The following CDH17 variants were observed in gnomAD, a reference collection of about 807,000 sequenced individuals.
The protein encoded by CDH17 is cadherin 17.
A neutral mutation model predicts 86.3 loss-of-function variants in CDH17; 67 were observed. That is an observed-to-expected ratio of 0.78 (90% CI 0.64 to 0.95). CDH17 has a LOEUF of 0.95. Among genes scored for constraint, CDH17 ranks in the 40% least tolerant of loss-of-function variants. The probability of loss-of-function intolerance (pLI) is 0.00; values close to 1 mark genes in which losing one functional copy is unlikely to be tolerated. For missense variants in CDH17, 993 were observed against 1,017.6 expected (o/e 0.98, Z 0.33); for synonymous variants, 367 against 366.4 (o/e 1.00, Z -0.02).
chr8:94,137,413 A>G (rs1290670739), intron 15 of CDH17, among the ~76,000 whole-genome samples: 1 of 152,188 alleles, frequency 6.6e-6, no homozygotes, highest in Non-Finnish European at 1.5e-5. Context: ...GCTAACAGTG[A>G]ACAAGGCTCT....
At chr8:94,143,314 G>A (rs1812673581) in intron 15 of CDH17, among the ~76,000 whole-genome samples, 2 of 152,154 alleles carry the variant, frequency 1.3e-5, no homozygotes, top group South Asian at 2.1e-4. Flanking sequence ...TCTCAACAGT[G>A]GCCTTAAAGT....
intron 15 of CDH17, among the ~76,000 whole-genome samples, chr8:94,131,676 C>A (rs573724314): frequency 2.0e-5 from 3 of 151,968 alleles, no homozygotes; most frequent in Non-Finnish European, 4.4e-5. Flanking sequence ...TTAGGTTTGA[C>A]CCTGTGTGGT....
At chr8:94,187,484 G>C (rs1318959868) in intron 3 of CDH17, among the ~76,000 whole-genome samples, 1 of 152,214 alleles carries the variant, frequency 6.6e-6, no homozygotes, top group Non-Finnish European at 1.5e-5. Flanking sequence ...AAGAAAGTCT[G>C]TGAGAAAAAG....
intron 14 of CDH17, 70 bp downstream of exon 14, chr8:94,148,674 C>G (rs1812794431): frequency 7.6e-7 from 1 of 1,321,810 alleles, no homozygotes; most frequent in Non-Finnish European, 1.0e-6. Context: ...ATCCTCCCTC[C>G]CATTTCAACC....
At chr8:94,141,181 C>G (rs140696446) in intron 15 of CDH17, among the ~76,000 whole-genome samples, 101 of 151,242 alleles carry the variant, frequency 6.7e-4, no homozygotes, top group African/African-American at 2.4e-3. Context: ...AATAATGCAT[C>G]AATTAATAGG....
rs1346240462 is a variant in CDH17, at chr8:94,170,318, G to T, written c.1066+79C>A. The T allele has an allele frequency of 4.1e-6, 6 of 1,455,064 alleles. No homozygotes were observed. The East Asian group carries it at 6.9e-5, about 17-fold the overall frequency. The allele number at this position is 1,455,064 out of a possible 1,614,324, so 90.1% of individuals were successfully genotyped here. A position where few individuals can be genotyped will look rare whatever the true frequency, so the allele number is the denominator to read the frequency against. The stretch of plus-strand genomic sequence containing the variant: ...ACATGGATTACTGACTCCCAGTAAG[G>T]TCTCCTGCTCACCTTTTACCCAGCA... On this transcript the variant is annotated intron_variant, in intron 9 of 17. Coordinates refer to ENST00000027335, the MANE Select transcript of CDH17 (RefSeq NM_004063.4).
intron 2 of CDH17, among the ~76,000 whole-genome samples, chr8:94,192,952 G>T (rs1231263625): frequency 6.6e-6 from 1 of 152,206 alleles, no homozygotes; most frequent in Non-Finnish European, 1.5e-5. Flanking sequence ...CAGAAGGCAA[G>T]ATTCTTCAAG....
chr8:94,198,938 C>T, intron 1 of CDH17, among the ~76,000 whole-genome samples: 1 of 151,516 alleles, frequency 6.6e-6, no homozygotes, highest in Non-Finnish European at 1.5e-5. Context: ...ATAAGGGGTA[C>T]AGGTTCTATC....
At chr8:94,174,474 A>G (rs57594285) in intron 5 of CDH17, among the ~76,000 whole-genome samples, 2,057 of 152,260 alleles carry the variant, frequency 0.014, 39 homozygotes, top group African/African-American at 0.039. Flanking sequence ...GGGTCCCTGA[A>G]ACTGTTCAAG....
chr8:94,216,602 T>G (rs529089600), intron 1 of CDH17, among the ~76,000 whole-genome samples: 18 of 151,160 alleles, frequency 1.2e-4, no homozygotes, highest in Non-Finnish European at 2.5e-4. Flanking sequence ...TTCCCAAGTC[T>G]GCTCTCCTAA....
chr8:94,211,518 G>A (rs62523278), upstream of CDH17, among the ~76,000 whole-genome samples: 48,529 of 151,986 alleles, frequency 0.32, 9,756 homozygotes, highest in Non-Finnish European at 0.46. Flanking sequence ...TAACCATGTT[G>A]GCCAGTCTGG....
chr8:94,155,398 T>C (rs958706897), intron 12 of CDH17, among the ~76,000 whole-genome samples: 9 of 151,878 alleles, frequency 5.9e-5, no homozygotes, highest in African/African-American at 1.9e-4. Flanking sequence ...GAGCCTGTGA[T>C]GGGGACAAAG....
At chr8:94,132,952 G>A (rs527328919) in intron 15 of CDH17, among the ~76,000 whole-genome samples, 47 of 152,100 alleles carry the variant, frequency 3.1e-4, no homozygotes, top group African/African-American at 9.6e-4. Context: ...GTTTTTCTCC[G>A]GTTTGTCAAA....
intron 12 of CDH17, among the ~76,000 whole-genome samples, chr8:94,157,857 A>T (rs568694425): frequency 6.6e-6 from 1 of 152,314 alleles, no homozygotes; most frequent in South Asian, 2.1e-4. Context: ...TTGAGGCTGC[A>T]ATGAGCTATG....
intron 9 of CDH17, among the ~76,000 whole-genome samples, chr8:94,166,238 G>A (rs1416291946): frequency 1.3e-5 from 2 of 152,210 alleles, no homozygotes; most frequent in African/African-American, 4.8e-5. Flanking sequence ...CCAGAAGTCT[G>A]CAATCAAGGT....
intron 8 of CDH17, 31 bp downstream of exon 8, chr8:94,170,823 G>A (rs1374515862): frequency 6.2e-7 from 1 of 1,606,700 alleles, no homozygotes; most frequent in Admixed American, 1.7e-5. Context: ...ACTTTGTCTT[G>A]TCGCCTGTGA....
rs548155307 is a variant in CDH17, at chr8:94,194,670, G to A, written c.16C>T (p.His6Tyr). ...ATAAGAAGACACAGGGAGTGAAGAT[G>A]GGCCTGAAGTATCATAGTTTTCTTT... is the stretch of plus-strand genomic sequence containing the variant. MILQA[H>Y]LHSLCLLMLY... Residue 6 changes from histidine (H) to tyrosine (Y), a missense_variant, in exon 2 of 18, where the codon CAT (histidine) becomes TAT (tyrosine). Transcript: ENST00000027335. 6 of 1,606,366 alleles carry A rather than the reference G, an allele frequency of 3.7e-6. No homozygotes were observed. In the African/African-American group the frequency reaches 8.0e-5, roughly 22 times the overall value.
Position 94,145,997 on chromosome 8 carries a change from C to T in CDH17, c.2098G>A (p.Gly700Ser). 6.2e-7 allele frequency: 1 copy of T among 1,613,602 alleles called. No individual in the cohort carries two copies. Among genetic ancestry groups the T allele is most frequent in the Non-Finnish European group, 8.5e-7 (1 of 1,179,822 alleles). Residue 700 changes from glycine to serine, a missense_variant, in exon 15 of 18, where the codon GGT becomes AGT. Physicochemically the swap from Gly to Ser is moderately conservative, Grantham distance 56. Transcript: ENST00000027335. ...ATDDDQHLFR[G>S]PHFTFSLGSG... The stretch of plus-strand genomic sequence containing the variant: ...CCGAGGGAAAATGTAAAATGGGGAC[C>T]CCGAAATAAGTGCTGATCATCATCA...
intron 15 of CDH17, among the ~76,000 whole-genome samples, chr8:94,140,869 G>A (rs73266225): frequency 1.6e-4 from 24 of 152,194 alleles, no homozygotes; most frequent in African/African-American, 5.8e-4. Context: ...AATTGAATTT[G>A]TAGTTAAAAC....
Sources: gnomAD v4.1 joint callset for allele counts (sites outside exome capture counted in the v4.1 genomes callset) on GRCh38, gnomAD v4.1.1 for gene constraint, MANE v1.5 for transcripts, NCBI Gene and HGNC (gene_info 2026-07-23, HGNC 2026-07-21) for gene names.